Variants in NINJ2 observed in about 807,000 individuals in gnomAD.
The protein encoded by NINJ2 is ninjurin-2.
A neutral mutation model predicts 11.7 loss-of-function variants in NINJ2; 12 were observed. That is an observed-to-expected ratio of 1.02 (90% confidence interval 0.66 to 1.66). The LOEUF (loss-of-function observed/expected upper bound fraction) is 1.66, where lower values mean the gene tolerates loss of function less well. NINJ2 is among the 40% of genes most tolerant of loss of function. NINJ2 has a pLI of 0.00. For missense variants in NINJ2, 187 were observed against 181.8 expected (o/e 1.03, Z -0.16); for synonymous variants, 93 against 76.8 (o/e 1.21, Z -1.10).
chr12:656,362 A>AAAAAT (rs146052060), intron 1 of NINJ2, among the ~76,000 whole-genome samples: 9 of 151,108 alleles, frequency 6.0e-5, no homozygotes, highest in African/African-American at 1.5e-4. Flanking sequence ...GACTCTGTCT[A>AAAAAT]AAAATAAAAT....
At chr12:659,172 T>G (rs1937922692) in intron 1 of NINJ2, among the ~76,000 whole-genome samples, 1 of 151,852 alleles carries the variant, frequency 6.6e-6, no homozygotes, top group East Asian at 1.9e-4. Flanking sequence ...TATTCATAAG[T>G]GTTTTTACCT....
Position 643,768 on chromosome 12 carries a change from G to A in NINJ2, c.33+19560C>T, listed in dbSNP as rs77113878. ...CCCCCTCACATCATGGGAGCAGTCA[G>A]TCTACTCTTCCAGTAGAAACTGTTT... is the stretch of plus-strand genomic sequence containing the variant. On this transcript the variant is annotated intron_variant, in intron 1 of 3. Coordinates refer to ENST00000305108, the MANE Select transcript of NINJ2 (RefSeq NM_016533.6). The A allele has an allele frequency of 2.5e-3, 1,821 of 741,024 alleles. 28 individuals are homozygous for A. The African/African-American group carries it at 0.032, about 13-fold the overall frequency. 45.9% of individuals were successfully genotyped at this position (741,024 alleles called of 1,614,324 possible). A position where few individuals can be genotyped will look rare whatever the true frequency, so the allele number is the denominator to read the frequency against.
At chr12:573,556 G>A (rs1419430301) in intron 1 of NINJ2, among the ~76,000 whole-genome samples, 1 of 151,948 alleles carries the variant, frequency 6.6e-6, no homozygotes, top group Non-Finnish European at 1.5e-5. Context: ...TCCAGCCTGG[G>A]CAACAGAGCA....
chr12:630,219 C>T lies in NINJ2; in HGVS notation c.33+33109G>A, dbSNP rs561635152. Among the ~76,000 whole-genome samples, 23 of 151,786 alleles carry T rather than the reference C, an allele frequency of 1.5e-4. No homozygotes were observed. The South Asian group carries it at 4.4e-3, about 29-fold the overall frequency. On this transcript the variant is annotated intron_variant, in intron 1 of 3. Coordinates refer to ENST00000305108, the MANE Select transcript of NINJ2 (RefSeq NM_016533.6). ...CTGCCTTTGAGGCAAATTTTTTTTC[C>T]TTTTTAAAGAAAGTGGTAAACATCT... is the stretch of plus-strand genomic sequence containing the variant.
At chr12:625,639 A>G (rs966801501) in intron 1 of NINJ2, among the ~76,000 whole-genome samples, 2 of 152,184 alleles carry the variant, frequency 1.3e-5, no homozygotes, top group African/African-American at 4.8e-5. Flanking sequence ...TATGGTCCTC[A>G]CTGTCTGGAC....
intron 1 of NINJ2, among the ~76,000 whole-genome samples, chr12:607,949 C>T (rs1383673444): frequency 6.6e-6 from 1 of 152,268 alleles, no homozygotes. Flanking sequence ...CGTCTTTGTG[C>T]TGGGGGTTCC....
At chr12:609,545 G>A (rs1016690213) in intron 1 of NINJ2, among the ~76,000 whole-genome samples, 2 of 152,138 alleles carry the variant, frequency 1.3e-5, no homozygotes, top group African/African-American at 4.8e-5. Flanking sequence ...TGAGGCGGGT[G>A]GATCACGAGG....
intron 1 of NINJ2, among the ~76,000 whole-genome samples, chr12:620,915 C>T (rs1374735827): frequency 6.6e-6 from 1 of 152,148 alleles, no homozygotes; most frequent in Non-Finnish European, 1.5e-5. Context: ...CAGGCATGAA[C>T]CACTGCTCCC....
At chr12:595,610 G>A (rs2535387) in intron 1 of NINJ2, among the ~76,000 whole-genome samples, 58,042 of 151,904 alleles carry the variant, frequency 0.38, 12,157 homozygotes, top group Non-Finnish European at 0.49. Context: ...AAAATTAGCC[G>A]GGCGTGTTGG....
intron 1 of NINJ2, among the ~76,000 whole-genome samples, chr12:600,924 G>T (rs1420120565): frequency 6.6e-6 from 1 of 151,946 alleles, no homozygotes; most frequent in Non-Finnish European, 1.5e-5. Context: ...AATCAATCTT[G>T]AGTTTTCAAA....
chr12:611,263 T>TTCTTTCTTTCTCTCTCTC (rs1948029079), intron 1 of NINJ2, among the ~76,000 whole-genome samples: 5 of 126,458 alleles, frequency 4.0e-5, no homozygotes, highest in African/African-American at 1.4e-4. Context: ...CTCTCTTTCT[T>TTCTTTCTTTCTCTCTCTC]TCTTTCTTTC....
chr12:660,541 A>G (rs1197167432), intron 1 of NINJ2, among the ~76,000 whole-genome samples: 9 of 151,884 alleles, frequency 5.9e-5, no homozygotes, highest in Non-Finnish European at 1.3e-4. Flanking sequence ...GGGTTTCACT[A>G]TGTTGGCCAG....
At chr12:616,477 A>G (rs1010465494) in intron 1 of NINJ2, among the ~76,000 whole-genome samples, 8 of 152,206 alleles carry the variant, frequency 5.3e-5, no homozygotes, top group East Asian at 1.9e-4. Context: ...GCAGAACAAA[A>G]TGTTTGGAGA....
chr12:660,289 TAAAAAAAAAAA>T (rs776762900), intron 1 of NINJ2, among the ~76,000 whole-genome samples: 2 of 107,732 alleles, frequency 1.9e-5, no homozygotes, highest in Non-Finnish European at 3.7e-5. Flanking sequence ...TCCTGTCTGT[TAAAAAAAAAAA>T]AAAAAAAAAA....
At chr12:634,383 C>G (rs908581249) in intron 1 of NINJ2, among the ~76,000 whole-genome samples, 1 of 150,862 alleles carries the variant, frequency 6.6e-6, no homozygotes, top group Non-Finnish European at 1.5e-5. Flanking sequence ...CCTCAGCCCC[C>G]CTAGTAGCTG....
chr12:570,287 A>G (rs1947359215), intron 1 of NINJ2, among the ~76,000 whole-genome samples: 3 of 152,236 alleles, frequency 2.0e-5, no homozygotes. Flanking sequence ...CATCTTTAAA[A>G]GCAGGGACCG....
At chr12:601,715 A>G (rs965131683) in intron 1 of NINJ2, among the ~76,000 whole-genome samples, 1 of 150,786 alleles carries the variant, frequency 6.6e-6, no homozygotes, top group Non-Finnish European at 1.5e-5. Flanking sequence ...AATACAAAAA[A>G]ATTATCTGGG....
rs1275995431 is a variant in NINJ2 at position 581,663 on chromosome 12, G to A, written c.34-15485C>T. On this transcript the variant is annotated intron_variant, in intron 1 of 3. Transcript: ENST00000305108. The surrounding 1 kb of genome is among the most constrained non-coding windows in gnomAD (Gnocchi z 4.9). ...GTCTGCTCTGGGGAGAAGGTAAGCA[G>A]GGGAGGGCCGGCAAGTGGGTGCAGG... Among the ~76,000 whole-genome samples, 3 of 152,168 alleles carry A rather than the reference G, an allele frequency of 2.0e-5. No individual in the cohort carries two copies. Among genetic ancestry groups the A allele is most frequent in the Non-Finnish European group, 4.4e-5 (3 of 68,030 alleles).
At chr12:635,845 C>T (rs554987121) in intron 1 of NINJ2, among the ~76,000 whole-genome samples, 6 of 152,342 alleles carry the variant, frequency 3.9e-5, no homozygotes, top group East Asian at 1.9e-4. Context: ...GAGGCCGAGG[C>T]GGGCAGATCA....
Sources: allele counts gnomAD v4.1 joint callset (sites outside exome capture counted in the v4.1 genomes callset), GRCh38; gene constraint gnomAD v4.1.1; non-coding constraint Gnocchi (gnomAD v3.1); transcripts MANE v1.5; gene names NCBI Gene and HGNC (gene_info 2026-07-23, HGNC 2026-07-21).